The following BEND5 variants were observed in gnomAD, a reference collection of about 807,000 sequenced individuals.
The protein encoded by BEND5 is BEN domain containing 5, also known as BEN domain-containing protein 5.
Under a neutral mutation model 43.9 loss-of-function variants are expected in BEND5, and 22 were observed. The ratio of observed to expected loss-of-function variants is 0.50; its 90% CI spans 0.36 to 0.72. The LOEUF is 0.72. BEND5 is among the 30% of genes least tolerant of loss of function. The probability of loss-of-function intolerance (pLI) is 0.00; values close to 1 mark genes in which losing one functional copy is unlikely to be tolerated. For missense variants in BEND5, 428 were observed against 550.6 expected (o/e 0.78, Z 2.23); for synonymous variants, 228 against 225.9 (o/e 1.01, Z -0.08).
intron 1 of BEND5, among the ~76,000 whole-genome samples, chr1:48,770,737 C>T (rs1379217410): frequency 6.6e-6 from 1 of 152,182 alleles, no homozygotes; most frequent in Non-Finnish European, 1.5e-5. Flanking sequence ...CCAGGGTTCT[C>T]CTCGAGACAG....
intron 1 of BEND5, 91 bp from the exon 2 acceptor site, chr1:48,761,561 T>C (rs1206624252): frequency 3.8e-5 from 51 of 1,326,888 alleles, no homozygotes; most frequent in Non-Finnish European, 5.1e-5. Flanking sequence ...TGCTAGAAAA[T>C]AATTGAGGCC....
At chr1:48,737,140 C>T (rs1157261352) in intron 4 of BEND5, among the ~76,000 whole-genome samples, 1 of 151,904 alleles carries the variant, frequency 6.6e-6, no homozygotes, top group Non-Finnish European at 1.5e-5. Flanking sequence ...AAAAATTAGC[C>T]AGGTGTGGTG....
intron 5 of BEND5, 139 bp from the exon 6 acceptor site, chr1:48,728,182 A>C (rs1436896480): frequency 2.7e-6 from 2 of 732,744 alleles, no homozygotes; most frequent in African/African-American, 3.6e-5. Context: ...ATATTTTAAA[A>C]TTTGCATCAT....
At chr1:48,749,130 T>C (rs558373464) in intron 3 of BEND5, among the ~76,000 whole-genome samples, 2 of 152,204 alleles carry the variant, frequency 1.3e-5, no homozygotes, top group East Asian at 3.9e-4. Context: ...TCCCCGACTT[T>C]GAGGAATTGC....
chr1:48,753,164 T>C (rs1652021710), intron 3 of BEND5, among the ~76,000 whole-genome samples: 4 of 152,224 alleles, frequency 2.6e-5, no homozygotes, highest in Admixed American at 2.6e-4. Flanking sequence ...AATTTGAATT[T>C]GGAAGAGCTG....
At chr1:48,762,591 G>A (rs1644316747) in intron 1 of BEND5, among the ~76,000 whole-genome samples, 1 of 150,040 alleles carries the variant, frequency 6.7e-6, no homozygotes, top group African/African-American at 2.5e-5. Context: ...CAGGTAGTTA[G>A]TTAAATCCAG....
intron 1 of BEND5, among the ~76,000 whole-genome samples, 180 bp downstream of exon 1, chr1:48,776,426 T>C (rs1369873695): frequency 6.6e-6 from 1 of 152,208 alleles, no homozygotes; most frequent in African/African-American, 2.4e-5. Context: ...CCGGTCTTTT[T>C]AACTGGCCTG....
chr1:48,731,713 G>A (rs1344036574), intron 5 of BEND5, among the ~76,000 whole-genome samples: 4 of 152,220 alleles, frequency 2.6e-5, no homozygotes, highest in Admixed American at 6.5e-5. Context: ...GCTTGTTCAC[G>A]AAATACAGCA....
At chr1:48,762,724 T>C (rs1406959920) in intron 1 of BEND5, among the ~76,000 whole-genome samples, 1 of 151,660 alleles carries the variant, frequency 6.6e-6, no homozygotes, top group East Asian at 1.9e-4. Flanking sequence ...TCCTACAACT[T>C]GTTAGTAAAG....
At position 48,736,434 on chromosome 1, in the gene BEND5, T is replaced by G. The variant is rs745897866; in HGVS notation, c.913A>C (p.Ile305Leu). 2.5e-6 allele frequency: 4 copies of G among 1,614,170 alleles called. No homozygotes were observed. The East Asian group carries it at 8.9e-5, about 36-fold the overall frequency. Residue 305 changes from isoleucine to leucine, a missense_variant, in exon 5 of 6, where the codon ATT (isoleucine) becomes CTT (leucine). This residue lies in a region of BEND5 where 75 missense variants were observed against 148.5 expected (regional missense o/e 0.50). Coordinates refer to ENST00000371833, the MANE Select transcript of BEND5 (RefSeq NM_024603.4). The surrounding 1 kb of genome is among the most constrained non-coding windows in gnomAD (Gnocchi z 4.0). ...DNGKVHLGSG[I>L]WVDEEKWHQL... is the part of the protein sequence containing the mutation. ...TGCCATTTCTCCTCATCAACCCAAA[T>G]CCCGCTTCCCAGATGGACCTGAGAG...
chr1:48,729,931 G>T (rs938000094), intron 5 of BEND5, among the ~76,000 whole-genome samples: 3 of 152,142 alleles, frequency 2.0e-5, no homozygotes, highest in Admixed American at 2.0e-4. Context: ...TGTCTCTCCA[G>T]TCCCACCTCT....
Position 48,742,664 on chromosome 1 carries a change from G to A in BEND5, c.853C>T (p.Pro285Ser). 1.9e-6 allele frequency: 3 copies of A among 1,609,412 alleles called. No homozygotes were observed. The South Asian group carries it at 3.3e-5, about 18-fold the overall frequency. ...ATATACTTGTCCATGACAGGCGCAG[G>A]AGCGGGGTAATAGGACGACGTATTT... ...EANTSSYYPA[P>S]APVMDKYILD... The change falls in exon 4 of 6, where the codon CCT becomes TCT. Residue 285 changes from proline (P) to serine (S), a missense_variant. By Grantham distance (74) the Pro-to-Ser change is moderately conservative. Transcript: ENST00000371833.
At position 48,736,514 on chromosome 1, in the gene BEND5, CT is replaced by C. The variant is rs1433036761; in HGVS notation, c.895-63del. ...GACAGGAGGGCAGTGGGAGGCTTCT[CT>C]TGTCCTTTAAAAAGCATTGCTGCAC... On this transcript the variant is annotated intron_variant, in intron 4 of 5. Coordinates refer to ENST00000371833, the MANE Select transcript of BEND5 (RefSeq NM_024603.4). This position sits in a 1 kb window ranked among gnomAD's most constrained non-coding sequence, Gnocchi z 4.0. 5.6e-6 allele frequency: 8 copies of C among 1,423,772 alleles called. No homozygotes were observed. The highest frequency in any genetic ancestry group is 6.9e-6 in the Non-Finnish European group (7 of 1,017,950). The allele number at this position is 1,423,772 out of a possible 1,614,324, so 88.2% of individuals were successfully genotyped here.
At chr1:48,744,572 C>CA (rs1434362793) in intron 3 of BEND5, among the ~76,000 whole-genome samples, 1 of 152,192 alleles carries the variant, frequency 6.6e-6, no homozygotes, top group Non-Finnish European at 1.5e-5. Flanking sequence ...TTAGCAAGAA[C>CA]ATGTCTTTCC....
In BEND5 at chr1:48,765,144, T is replaced by C. The variant is rs746790365; in HGVS notation, c.227-3674A>G. Reference sequence around the variant, plus strand: ...TCCTACCTACCTTCTTTGTAGTCTATTATCTTACTATTTGCAATTATCTGC... The same window carrying C: ...TCCTACCTACCTTCTTTGTAGTCTACTATCTTACTATTTGCAATTATCTGC... On this transcript the variant is annotated intron_variant, in intron 1 of 5. Coordinates refer to ENST00000371833, the MANE Select transcript of BEND5 (RefSeq NM_024603.4). Among the ~76,000 whole-genome samples the C allele has an allele frequency of 5.3e-5, 8 of 152,380 alleles. No homozygotes were observed. The Middle Eastern group carries it at 0.01, about 194-fold the overall frequency.
chr1:48,729,275 A>T (rs114137518), intron 5 of BEND5, among the ~76,000 whole-genome samples: 2 of 152,238 alleles, frequency 1.3e-5, no homozygotes, highest in South Asian at 2.1e-4. Flanking sequence ...TTAAGTAAAC[A>T]TATGTTAAAT....
At chr1:48,772,680 G>C (rs1307142911) in intron 1 of BEND5, among the ~76,000 whole-genome samples, 1 of 152,160 alleles carries the variant, frequency 6.6e-6, no homozygotes. Context: ...AGTCAACTAA[G>C]ACTGTGTTTT....
At chr1:48,756,418 C>T (rs1643929648) in intron 3 of BEND5, among the ~76,000 whole-genome samples, 1 of 152,174 alleles carries the variant, frequency 6.6e-6, no homozygotes, top group Admixed American at 6.5e-5. Flanking sequence ...CCTCATCAAA[C>T]TTTAAACTCC....
rs771840208 is a variant in BEND5 at position 48,728,046 on chromosome 1, A to G, written c.1109-3T>C. On this transcript the variant is annotated splice_region_variant and splice_polypyrimidine_tract_variant and intron_variant, in intron 5 of 5. Transcript: ENST00000371833. ...TGCTATTCTGTCATACAAACACTCT[A>G]GACGGGGAGAAGAAACAAGGCCAAG... 2.5e-6 allele frequency: 4 copies of G among 1,582,954 alleles called. No individual in the cohort carries two copies. Among genetic ancestry groups the G allele is most frequent in the Non-Finnish European group, 3.4e-6 (4 of 1,161,694 alleles).
Sources: allele counts gnomAD v4.1 joint callset (sites outside exome capture counted in the v4.1 genomes callset), GRCh38; gene constraint gnomAD v4.1.1; regional missense constraint gnomAD v4.1.1; non-coding constraint Gnocchi (gnomAD v3.1); transcripts MANE v1.5; gene names NCBI Gene and HGNC (gene_info 2026-07-23, HGNC 2026-07-21).